The following GNA14 variants were observed in gnomAD, a reference collection of about 807,000 sequenced individuals.
GNA14 encodes the protein G protein subunit alpha 14, also known as guanine nucleotide-binding protein subunit alpha-14.
Under a neutral mutation model 42.0 loss-of-function variants are expected in GNA14, and 50 were observed. The ratio of observed to expected loss-of-function variants is 1.19; its 90% CI spans 0.95 to 1.51. GNA14 has a LOEUF of 1.51. GNA14 is among the 40% of genes most tolerant of loss of function. The pLI, the probability that GNA14 is intolerant of heterozygous loss-of-function variation, is 0.00. For synonymous variants in GNA14, 173 were observed against 163.1 expected (o/e 1.06, Z -0.46); for missense variants, 473 against 446.2 (o/e 1.06, Z -0.54).
intron 1 of GNA14, among the ~76,000 whole-genome samples, chr9:77,631,134 G>T (rs953256961): frequency 6.6e-6 from 1 of 152,166 alleles, no homozygotes; most frequent in African/African-American, 2.4e-5. Flanking sequence ...TGGTCTCAGA[G>T]TCATAGACCC....
At chr9:77,427,123 G>T (rs1484375806) in intron 5 of GNA14, among the ~76,000 whole-genome samples, 2 of 152,174 alleles carry the variant, frequency 1.3e-5, no homozygotes, top group Non-Finnish European at 2.9e-5. Context: ...GGAAAGTCTG[G>T]AGTGGCAACC....
chr9:77,614,076 A>G (rs1823773287), intron 1 of GNA14, among the ~76,000 whole-genome samples: 1 of 152,212 alleles, frequency 6.6e-6, no homozygotes, highest in African/African-American at 2.4e-5. Flanking sequence ...ATTTAACACA[A>G]TTAAAACTTA....
intron 1 of GNA14, among the ~76,000 whole-genome samples, chr9:77,617,276 AC>A (rs894899792): frequency 2.6e-5 from 4 of 151,720 alleles, no homozygotes; most frequent in Non-Finnish European, 4.4e-5. Context: ...GTCTACCTCC[AC>A]CCCCTCACTC....
intron 2 of GNA14, among the ~76,000 whole-genome samples, chr9:77,455,678 G>T (rs1348893902): frequency 6.6e-6 from 1 of 152,144 alleles, no homozygotes; most frequent in Non-Finnish European, 1.5e-5. Context: ...CCCCACATAA[G>T]GAATATATAT....
intron 1 of GNA14, among the ~76,000 whole-genome samples, chr9:77,633,084 T>G (rs901456454): frequency 1.3e-5 from 2 of 152,314 alleles, no homozygotes; most frequent in South Asian, 4.1e-4. Flanking sequence ...ATTCTCATGT[T>G]ACAATAGTCT....
intron 2 of GNA14, among the ~76,000 whole-genome samples, chr9:77,438,304 T>C (rs1198941264): frequency 6.6e-6 from 1 of 151,952 alleles, no homozygotes; most frequent in East Asian, 1.9e-4. Flanking sequence ...TTTCACTCTG[T>C]CTCCCACGCT....
chr9:77,642,491 T>A (rs944688138), intron 1 of GNA14, among the ~76,000 whole-genome samples: 2 of 152,174 alleles, frequency 1.3e-5, no homozygotes, highest in Non-Finnish European at 2.9e-5. Context: ...ACAGGCCAGG[T>A]ACGGTGGCTC....
intron 1 of GNA14, among the ~76,000 whole-genome samples, chr9:77,557,451 A>G (rs1194679593): frequency 2.0e-5 from 3 of 152,234 alleles, no homozygotes; most frequent in Non-Finnish European, 4.4e-5. Context: ...GGACAAGTAC[A>G]GACATTTTGC....
At chr9:77,503,307 T>C (rs1344002365) in intron 2 of GNA14, among the ~76,000 whole-genome samples, 1 of 152,124 alleles carries the variant, frequency 6.6e-6, no homozygotes, top group African/African-American at 2.4e-5. Flanking sequence ...CATCAGTCTT[T>C]ATGGGCTGAT....
intron 1 of GNA14, among the ~76,000 whole-genome samples, chr9:77,585,779 A>T (rs985865996): frequency 2.0e-5 from 3 of 152,018 alleles, no homozygotes; most frequent in African/African-American, 7.3e-5. Context: ...AAATCCCCTA[A>T]ATGTTTTTAT....
chr9:77,600,967 G>A (rs1289182533), intron 1 of GNA14, among the ~76,000 whole-genome samples: 11 of 152,168 alleles, frequency 7.2e-5, no homozygotes, highest in Admixed American at 6.5e-4. Context: ...GAAAATGATA[G>A]ACACAGGAGG....
At chr9:77,615,747 ACAC>A (rs1336396102) in intron 1 of GNA14, among the ~76,000 whole-genome samples, 1 of 147,106 alleles carries the variant, frequency 6.8e-6, no homozygotes, top group African/African-American at 2.6e-5. Flanking sequence ...ACACACACAC[ACAC>A]ACGTTTAAAT....
intron 2 of GNA14, among the ~76,000 whole-genome samples, chr9:77,438,536 G>C (rs1214862284): frequency 2.0e-5 from 3 of 151,842 alleles, no homozygotes. Flanking sequence ...CCAAAGTGCT[G>C]GGATTACAGG....
At chr9:77,569,140 G>A (rs913297854) in intron 1 of GNA14, among the ~76,000 whole-genome samples, 2 of 150,938 alleles carry the variant, frequency 1.3e-5, no homozygotes, top group South Asian at 2.1e-4. Flanking sequence ...CCAGCCTCAT[G>A]AATCTCTTTT....
At chr9:77,565,391 A>C (rs935274683) in intron 1 of GNA14, among the ~76,000 whole-genome samples, 1 of 151,658 alleles carries the variant, frequency 6.6e-6, no homozygotes, top group African/African-American at 2.4e-5. Context: ...TTGAAGCAAT[A>C]ATATGTTTCA....
Position 77,476,681 on chromosome 9 carries a change from A to G in GNA14, c.310-42159T>C, listed in dbSNP as rs114443584. ...TTTAAAGGCAAGTCCTATAAACTGA[A>G]AAGGATAAAATGAATTGGAACTATT... On this transcript the variant is annotated intron_variant, in intron 2 of 6. Coordinates refer to ENST00000341700, the MANE Select transcript of GNA14 (RefSeq NM_004297.4). 2.8e-3 allele frequency among the ~76,000 whole-genome samples: 423 copies of G among 152,338 alleles called. 5 individuals carry two copies. The highest frequency in any genetic ancestry group is 9.5e-3 in the African/African-American group (395 of 41,578).
At chr9:77,632,585 C>T (rs1587855275) in intron 1 of GNA14, among the ~76,000 whole-genome samples, 1 of 152,158 alleles carries the variant, frequency 6.6e-6, no homozygotes, top group African/African-American at 2.4e-5. Flanking sequence ...CAGACCTAGG[C>T]GTCCCCTAAG....
chr9:77,506,061 C>CA (rs1264288585), intron 2 of GNA14, among the ~76,000 whole-genome samples: 1 of 150,658 alleles, frequency 6.6e-6, no homozygotes, highest in Non-Finnish European at 1.5e-5. Context: ...GCCAGGAGTT[C>CA]AAGATTAGTC....
At chr9:77,511,305 A>G (rs970894346) in intron 2 of GNA14, among the ~76,000 whole-genome samples, 2 of 152,096 alleles carry the variant, frequency 1.3e-5, no homozygotes, top group African/African-American at 4.8e-5. Flanking sequence ...CCTGGGATAC[A>G]CCTTGCTCTT....
Sources: allele counts gnomAD v4.1 joint callset (sites outside exome capture counted in the v4.1 genomes callset), GRCh38; gene constraint gnomAD v4.1.1; transcripts MANE v1.5; gene names NCBI Gene and HGNC (gene_info 2026-07-23, HGNC 2026-07-21).